Variants in TRPV2 observed in about 807,000 individuals in gnomAD.
TRPV2 encodes OTRPC2.
TRPV2 carries 58 observed loss-of-function variants against 91.0 expected under a neutral mutation model. The ratio of observed to expected loss-of-function variants is 0.64; its 90% CI spans 0.52 to 0.79. The LOEUF (loss-of-function observed/expected upper bound fraction) is 0.79, where lower values mean the gene tolerates loss of function less well. Ranked by LOEUF, TRPV2 falls within the 30% of genes least tolerant of loss-of-function variation. The probability of loss-of-function intolerance (pLI) is 0.00; values close to 1 mark genes in which losing one functional copy is unlikely to be tolerated. For synonymous variants in TRPV2, 417 were observed against 414.8 expected (o/e 1.01, Z -0.06); for missense variants, 807 against 969.6 (o/e 0.83, Z 2.23).
At chr17:16,417,236 A>C (rs2093335055) in intron 1 of TRPV2, among the ~76,000 whole-genome samples, 1 of 150,934 alleles carries the variant, frequency 6.6e-6, no homozygotes, top group African/African-American at 2.4e-5. Context: ...AGTAATGAGA[A>C]GTAATGGCAA....
intron 12 of TRPV2, among the ~76,000 whole-genome samples, 180 bp downstream of exon 12, chr17:16,432,480 A>C (rs1600990311): frequency 7.1e-6 from 1 of 140,726 alleles, no homozygotes. Context: ...TTGCTCTGTC[A>C]CCCAGGCTGG....
At chr17:16,433,781 C>T (rs1568922434) in intron 13 of TRPV2, 83 bp downstream of exon 13, 1 of 1,549,842 alleles carries the variant, frequency 6.5e-7, no homozygotes, top group East Asian at 2.3e-5. Flanking sequence ...GGCACAGCTG[C>T]CAGGAGCCAG....
rs372298752 is a variant in TRPV2 at position 16,427,539 on chromosome 17, G to C, written c.1342G>C (p.Val448Leu). ...LILLGGIYLL[V>L]GQLWYFWRRH... ...CCTGCTAGGGGGGATCTACCTCCTC[G>C]TGGGCCAGGTGAGTGCCCCTCCCCT... is the stretch of plus-strand genomic sequence containing the variant. Residue 448 changes from valine to leucine, a missense_variant, in exon 8 of 15, where the codon GTG becomes CTG. By Grantham distance (32) the Val-to-Leu change is conservative. Coordinates refer to ENST00000338560, the MANE Select transcript of TRPV2 (RefSeq NM_016113.5). 6.2e-7 allele frequency: 1 copy of C among 1,611,682 alleles called. No homozygotes were observed. Among genetic ancestry groups the C allele is most frequent in the South Asian group, 1.1e-5 (1 of 90,886 alleles).
Position 16,417,582 on chromosome 17 carries a change from G to C in TRPV2, c.-87G>C. 1 of 1,448,888 alleles carries C rather than the reference G, an allele frequency of 6.9e-7. No homozygotes were observed. The highest frequency in any genetic ancestry group is 9.6e-7 in the Non-Finnish European group (1 of 1,043,754). 89.8% of individuals were successfully genotyped at this position (1,448,888 alleles called of 1,614,324 possible). A position where few individuals can be genotyped will look rare whatever the true frequency, so the allele number is the denominator to read the frequency against. The stretch of plus-strand genomic sequence containing the variant: ...TGCAGGCTCCAGTCAGGCCAACACC[G>C]ACGCGCAGCTGGGAGGAAGACAGGA... On this transcript the variant is annotated 5_prime_UTR_variant, in exon 2 of 15. Coordinates refer to ENST00000338560, the MANE Select transcript of TRPV2 (RefSeq NM_016113.5).
In TRPV2 at chr17:16,420,106, C is replaced by G; in HGVS notation, c.201-9C>G. The G allele has an allele frequency of 6.2e-7, 1 of 1,610,904 alleles. No individual in the cohort carries two copies. The highest frequency in any genetic ancestry group is 8.5e-7 in the Non-Finnish European group (1 of 1,177,708). ...CTCCAGCATGAGTCACAAACCACAT[C>G]CTCCACAGTCAGCCGGATCCAAACC... On this transcript the variant is annotated splice_polypyrimidine_tract_variant and intron_variant, in intron 2 of 14. Coordinates refer to ENST00000338560, the MANE Select transcript of TRPV2 (RefSeq NM_016113.5).
At chr17:16,431,935 G>T (rs769115919) in intron 11 of TRPV2, 31 bp from the exon 12 acceptor site, 2 of 1,611,266 alleles carry the variant, frequency 1.2e-6, no homozygotes, top group East Asian at 4.5e-5. Context: ...CGGTCTCCTG[G>T]GCTAAGGACC....
intron 3 of TRPV2, among the ~76,000 whole-genome samples, chr17:16,420,874 C>A (rs190084951): frequency 6.6e-6 from 1 of 152,326 alleles, no homozygotes; most frequent in African/African-American, 2.4e-5. Context: ...CCTTGGCCCC[C>A]CAGAGTGCTG....
intron 14 of TRPV2, 23 bp from the exon 15 acceptor site, chr17:16,436,766 C>T: frequency 6.4e-7 from 1 of 1,568,188 alleles, no homozygotes; most frequent in Non-Finnish European, 8.8e-7. Flanking sequence ...GGTTAAGCTA[C>T]AGTGCTTGCC....
intron 4 of TRPV2, 134 bp downstream of exon 4, chr17:16,423,023 T>A: frequency 9.0e-7 from 1 of 1,115,486 alleles, no homozygotes; most frequent in Non-Finnish European, 1.2e-6. Flanking sequence ...TTCTAACCAC[T>A]AGGCTGCCTG....
At chr17:16,422,461 G>A (rs1029143599) in intron 3 of TRPV2, 138 bp from the exon 4 acceptor site, 12 of 779,950 alleles carry the variant, frequency 1.5e-5, no homozygotes, top group Non-Finnish European at 2.2e-5. Context: ...ACATGGTTGT[G>A]CTCCCACCAG....
chr17:16,416,635 C>T (rs79269225), intron 1 of TRPV2: 6,520 of 152,424 alleles, frequency 0.043, 157 homozygotes, highest in African/African-American at 0.051. Context: ...AGGTAGTATT[C>T]GATGCCTTCA....
chr17:16,422,954 G>T, intron 4 of TRPV2, 65 bp downstream of exon 4: 1 of 1,510,490 alleles, frequency 6.6e-7, no homozygotes, highest in South Asian at 1.3e-5. Flanking sequence ...AAGGTCACAT[G>T]GTTAGTGTAT....
intron 1 of TRPV2, chr17:16,416,107 G>C (rs1316480226): frequency 6.6e-6 from 1 of 152,638 alleles, no homozygotes; most frequent in South Asian, 2.1e-4. Context: ...GCCAGGGTTT[G>C]GTTGGGGACA....
intron 9 of TRPV2, 122 bp downstream of exon 9, chr17:16,428,509 G>T (rs1173415381): frequency 3.8e-6 from 4 of 1,064,740 alleles, no homozygotes; most frequent in Non-Finnish European, 5.8e-6. Flanking sequence ...GTCGGGATCT[G>T]TGTACAGGCC....
In TRPV2 at chr17:16,420,042, C is replaced by T. The variant is rs1190269682; in HGVS notation, c.201-73C>T. ...GTGTACAGGACTCCCTGAAAGGGCT[C>T]CCTGGGATGGAGGGCTTTTGGGGGG... On this transcript the variant is annotated intron_variant, in intron 2 of 14. Coordinates refer to ENST00000338560, the MANE Select transcript of TRPV2 (RefSeq NM_016113.5). 4 of 1,570,850 alleles carry T rather than the reference C, an allele frequency of 2.5e-6. No homozygotes were observed. The Admixed American group carries it at 5.2e-5, about 20-fold the overall frequency.
intron 8 of TRPV2, 100 bp from the exon 9 acceptor site, chr17:16,428,217 C>A: frequency 9.1e-7 from 1 of 1,102,184 alleles, no homozygotes; most frequent in Non-Finnish European, 1.4e-6. Context: ...AAGCTGCTGA[C>A]TTAGCTCTAG....
intron 10 of TRPV2, among the ~76,000 whole-genome samples, chr17:16,431,043 T>TTTTTTTG (rs562124536): frequency 2.0e-5 from 3 of 150,566 alleles, no homozygotes; most frequent in Admixed American, 6.6e-5. Flanking sequence ...GAAGGTTTTT[T>TTTTTTTG]TTTTTTGTTT....
intron 13 of TRPV2, 66 bp from the exon 14 acceptor site, chr17:16,434,824 C>T: frequency 6.5e-7 from 1 of 1,527,466 alleles, no homozygotes. Flanking sequence ...GGGCCACGCC[C>T]CTCTCCGGGG....
intron 13 of TRPV2, chr17:16,434,609 T>A: frequency 2.5e-6 from 1 of 401,478 alleles, no homozygotes; most frequent in Non-Finnish European, 4.4e-6. Context: ...ATACACCTGA[T>A]CTGAATTCCT....
Sources: allele counts gnomAD v4.1 joint callset (sites outside exome capture counted in the v4.1 genomes callset), GRCh38; gene constraint gnomAD v4.1.1; transcripts MANE v1.5; gene names NCBI Gene and HGNC (gene_info 2026-07-23, HGNC 2026-07-21).